The following B4GALNT2 variants were observed in gnomAD, a reference collection of about 807,000 sequenced individuals.
The protein encoded by B4GALNT2 is beta-1,4-N-acetyl-galactosaminyltransferase 2 (SID blood group).
In B4GALNT2, 42 loss-of-function variants were observed where a neutral mutation model predicts 51.1. That is an observed-to-expected ratio of 0.82 (90% CI 0.64 to 1.06). The LOEUF is 1.06. Among genes scored for constraint, B4GALNT2 ranks in the 50% least tolerant of loss-of-function variants. B4GALNT2 has a pLI of 0.00. For synonymous variants in B4GALNT2, 253 were observed against 251.7 expected, an observed-to-expected ratio of 1.01 and a Z score of -0.05; for missense variants, 602 against 633.6, an observed-to-expected ratio of 0.95 and a Z score of 0.54.
chr17:49,149,294 C>T (rs955849601), intron 3 of B4GALNT2, among the ~76,000 whole-genome samples: 3 of 152,068 alleles, frequency 2.0e-5, no homozygotes, highest in Admixed American at 2.0e-4. Flanking sequence ...TTCATGTTTA[C>T]ATTTACATTA....
upstream of B4GALNT2, chr17:49,132,701 A>C (rs1217499758): frequency 1.5e-6 from 2 of 1,349,214 alleles, no homozygotes; most frequent in Non-Finnish European, 1.9e-6. Context: ...ACTCGCCGAG[A>C]ATTTGCCCGG....
At chr17:49,127,447 TG>T in the B4GALNT2 span, among the ~76,000 whole-genome samples, 1 of 152,170 alleles carries the variant, frequency 6.6e-6, no homozygotes. Context: ...CTAATCTTAC[TG>T]TACCAGTAAG....
At chr17:49,157,430 C>G (rs1406549579) in intron 5 of B4GALNT2, among the ~76,000 whole-genome samples, 2 of 148,474 alleles carry the variant, frequency 1.3e-5, no homozygotes, top group Non-Finnish European at 3.0e-5. Context: ...AATCGAGTCT[C>G]CTGCCTCAGC....
intron 3 of B4GALNT2, among the ~76,000 whole-genome samples, chr17:49,151,726 C>T: frequency 6.7e-6 from 1 of 149,650 alleles, no homozygotes; most frequent in Admixed American, 6.7e-5. Context: ...AGCCTGGCAA[C>T]CTAGCGAGAC....
chr17:49,153,086 G>C (rs879039514), intron 4 of B4GALNT2, among the ~76,000 whole-genome samples, 180 bp downstream of exon 4: 3 of 150,888 alleles, frequency 2.0e-5, no homozygotes, highest in South Asian at 2.1e-4. Context: ...CTGGGTGACA[G>C]AGTGAGACCC....
At chr17:49,145,143 A>G (rs1467241173) in intron 3 of B4GALNT2, among the ~76,000 whole-genome samples, 1 of 152,096 alleles carries the variant, frequency 6.6e-6, no homozygotes, top group Non-Finnish European at 1.5e-5. Flanking sequence ...CTTCAATCCA[A>G]TCGAATTGAC....
intron 1 of B4GALNT2, chr17:49,133,357 G>C: frequency 3.0e-6 from 3 of 987,460 alleles, no homozygotes; most frequent in Non-Finnish European, 4.1e-6. Context: ...GGCAGAGTGA[G>C]CTGCGGTTGT....
chr17:49,142,101 T>A lies in B4GALNT2; in HGVS notation c.282T>A (p.Asp94Glu). Residue 94 changes from aspartate to glutamate, a missense_variant, in exon 3 of 11, where the codon GAT (aspartate) becomes GAA (glutamate). Coordinates refer to ENST00000393354, the MANE Select transcript of B4GALNT2 (RefSeq NM_001159387.2). Reference sequence around the variant, plus strand: ...AGCAGGGAGGTTACAACTTTCAGGATGCCTATGGCCAGAGCGACCTCCCAG... The same window carrying A: ...AGCAGGGAGGTTACAACTTTCAGGAAGCCTATGGCCAGAGCGACCTCCCAG... ...NKEQGGYNFQ[D>E]AYGQSDLPAV... 6.2e-7 allele frequency: 1 copy of A among 1,614,132 alleles called. No homozygotes were observed. The highest frequency in any genetic ancestry group is 8.5e-7 in the Non-Finnish European group (1 of 1,180,020).
chr17:49,155,201 G>A (rs1200382263), intron 4 of B4GALNT2, among the ~76,000 whole-genome samples: 1 of 149,682 alleles, frequency 6.7e-6, no homozygotes, highest in Non-Finnish European at 1.5e-5. Context: ...CCCAGTACTC[G>A]TGAGGAGAAT....
rs1419224411 is a variant in B4GALNT2, at chr17:49,166,192, T to C, written c.1033T>C (p.Phe345Leu). Residue 345 changes from phenylalanine to leucine, a missense_variant, in exon 9 of 11, where the codon TTC becomes CTC. Physicochemically the swap from Phe to Leu is conservative, Grantham distance 22. Coordinates refer to ENST00000393354, the MANE Select transcript of B4GALNT2 (RefSeq NM_001159387.2). ...TCTCTGGGTGGACGATGATTTTCTC[T>C]TCAACGAGGAGACCAAGATTGAGGT... ...YVLWVDDDFL[F>L]NEETKIEVLV... The C allele has an allele frequency of 6.2e-7, 1 of 1,614,138 alleles. No individual in the cohort carries two copies. The highest frequency in any genetic ancestry group is 2.2e-5 in the East Asian group (1 of 44,892).
intron 2 of B4GALNT2, 122 bp from the exon 3 acceptor site, chr17:49,141,913 A>G: frequency 7.8e-7 from 1 of 1,287,612 alleles, no homozygotes; most frequent in East Asian, 2.3e-5. Context: ...TCATCTCAGA[A>G]CAGTTGGGTG....
At chr17:49,164,828 G>T (rs2042896890) in intron 8 of B4GALNT2, among the ~76,000 whole-genome samples, 1 of 151,122 alleles carries the variant, frequency 6.6e-6, no homozygotes, top group Non-Finnish European at 1.5e-5. Flanking sequence ...CATTTTTTTT[G>T]AGATGGAGTC....
At chr17:49,167,676 C>G (rs2042923502) in intron 9 of B4GALNT2, among the ~76,000 whole-genome samples, 1 of 145,812 alleles carries the variant, frequency 6.9e-6, no homozygotes. Context: ...GTGGCGCAAT[C>G]CTGGCTCACT....
chr17:49,147,290 C>T (rs1296206053), intron 3 of B4GALNT2, among the ~76,000 whole-genome samples: 1 of 152,232 alleles, frequency 6.6e-6, no homozygotes, highest in South Asian at 2.1e-4. Context: ...TAAAAAGCAG[C>T]ATGTGTAATG....
At chr17:49,159,763 G>C (rs1478612681) in intron 6 of B4GALNT2, among the ~76,000 whole-genome samples, 1 of 152,142 alleles carries the variant, frequency 6.6e-6, no homozygotes, top group Non-Finnish European at 1.5e-5. Flanking sequence ...CACTCGAGGA[G>C]AGAACAAATC....
chr17:49,133,173 C>T, intron 1 of B4GALNT2: 8 of 1,517,710 alleles, frequency 5.3e-6, no homozygotes, highest in Non-Finnish European at 7.0e-6. Context: ...AGGCGCTGAC[C>T]CAGCCTGGGG....
chr17:49,142,023 T>C lies in B4GALNT2; in HGVS notation c.216-12T>C. On this transcript the variant is annotated splice_polypyrimidine_tract_variant and intron_variant, in intron 2 of 10. Transcript: ENST00000393354. ...ACCCAATCCATGTTTACAGTCCTCT[T>C]GCTTGTTTCAGGCTGTTCCCGAAAA... The C allele has an allele frequency of 4.3e-6, 7 of 1,613,982 alleles. No individual in the cohort carries two copies. The highest frequency in any genetic ancestry group is 5.9e-6 in the Non-Finnish European group (7 of 1,180,022).
intron 1 of B4GALNT2, among the ~76,000 whole-genome samples, chr17:49,138,238 C>T (rs995418521): frequency 6.6e-6 from 1 of 152,180 alleles, no homozygotes; most frequent in Admixed American, 6.5e-5. Context: ...CAGGAAATGT[C>T]GGTTGGTACC....
intron 3 of B4GALNT2, among the ~76,000 whole-genome samples, chr17:49,145,697 T>C (rs1171114082): frequency 6.6e-6 from 1 of 152,194 alleles, no homozygotes; most frequent in African/African-American, 2.4e-5. Flanking sequence ...CCATTGACCT[T>C]AATCACAGGG....
Sources: allele counts gnomAD v4.1 joint callset (sites outside exome capture counted in the v4.1 genomes callset), GRCh38; gene constraint gnomAD v4.1.1; transcripts MANE v1.5; gene names NCBI Gene and HGNC (gene_info 2026-07-23, HGNC 2026-07-21).